ANKRD13C: variants seen among roughly 807,000 people sequenced by gnomAD.
ANKRD13C encodes the protein ankyrin repeat domain 13C, also known as ankyrin repeat domain-containing protein 13C.
In ANKRD13C, 16 loss-of-function variants were observed where a neutral mutation model predicts 65.5. The ratio of observed to expected loss-of-function variants is 0.24; its 90% CI spans 0.17 to 0.37. The LOEUF (loss-of-function observed/expected upper bound fraction) is 0.37. ANKRD13C is among the 10% of genes least tolerant of loss of function. ANKRD13C has a pLI of 1.00. For synonymous variants in ANKRD13C, 235 were observed against 238.7 expected (o/e 0.98, Z 0.14); for missense variants, 503 against 655.9 (o/e 0.77, Z 2.55).
chr1:70,276,192 C>A (rs1679128369), intron 10 of ANKRD13C, among the ~76,000 whole-genome samples: 1 of 151,946 alleles, frequency 6.6e-6, no homozygotes, highest in African/African-American at 2.4e-5. Context: ...TTTATTCATT[C>A]ATCATTCTTT....
chr1:70,322,039 G>T (rs1165681566), intron 3 of ANKRD13C, among the ~76,000 whole-genome samples: 1 of 152,118 alleles, frequency 6.6e-6, no homozygotes, highest in Non-Finnish European at 1.5e-5. Context: ...ACATAGCCGG[G>T]CATGGTGGCT....
intron 2 of ANKRD13C, among the ~76,000 whole-genome samples, chr1:70,330,592 A>G (rs1377472647): frequency 2.0e-5 from 3 of 150,960 alleles, no homozygotes; most frequent in African/African-American, 4.8e-5. Flanking sequence ...AAAAAAAAAA[A>G]AAAGAAATCA....
intron 1 of ANKRD13C, among the ~76,000 whole-genome samples, chr1:70,340,702 T>C (rs1682270037): frequency 6.6e-6 from 1 of 152,252 alleles, no homozygotes; most frequent in Admixed American, 6.5e-5. Flanking sequence ...GCTCGATATA[T>C]TTTGAAGCCA....
chr1:70,315,690 T>C, intron 3 of ANKRD13C, 124 bp from the exon 4 acceptor site: 1 of 632,924 alleles, frequency 1.6e-6, no homozygotes, highest in South Asian at 2.7e-5. Context: ...TGTATGTGTG[T>C]ATGTGTATGT....
At chr1:70,276,157 C>T (rs1326279615) in intron 10 of ANKRD13C, among the ~76,000 whole-genome samples, 1 of 151,982 alleles carries the variant, frequency 6.6e-6, no homozygotes, top group African/African-American at 2.4e-5. Flanking sequence ...TTTTACTTAT[C>T]TATTTATTAA....
At chr1:70,345,597 G>A (rs1682493445) in intron 1 of ANKRD13C, among the ~76,000 whole-genome samples, 1 of 152,054 alleles carries the variant, frequency 6.6e-6, no homozygotes, top group Non-Finnish European at 1.5e-5. Context: ...GGTTGACCAG[G>A]TTATGGAAAT....
intron 2 of ANKRD13C, among the ~76,000 whole-genome samples, chr1:70,334,852 G>C (rs1001471948): frequency 6.6e-6 from 1 of 151,992 alleles, no homozygotes; most frequent in Admixed American, 6.6e-5. Flanking sequence ...ATTGTGGTGA[G>C]CCAAGATTGC....
intron 5 of ANKRD13C, among the ~76,000 whole-genome samples, chr1:70,312,594 C>A (rs1477270473): frequency 1.3e-5 from 2 of 151,016 alleles, no homozygotes; most frequent in Non-Finnish European, 2.9e-5. Flanking sequence ...ACTTTGAATT[C>A]TTTGCCCAAA....
intron 12 of ANKRD13C, among the ~76,000 whole-genome samples, chr1:70,264,648 T>C (rs1216779500): frequency 3.9e-5 from 6 of 152,224 alleles, no homozygotes; most frequent in South Asian, 2.1e-4. Context: ...GCCTAAGATA[T>C]TTATTATCTT....
At chr1:70,294,997 T>C (rs1001659545) in intron 8 of ANKRD13C, among the ~76,000 whole-genome samples, 3 of 152,046 alleles carry the variant, frequency 2.0e-5, no homozygotes, top group Admixed American at 2.0e-4. Flanking sequence ...CTCTCCCCCT[T>C]ACTCTTTTTT....
At chr1:70,311,755 C>T (rs1440850909) in intron 5 of ANKRD13C, among the ~76,000 whole-genome samples, 1 of 152,092 alleles carries the variant, frequency 6.6e-6, no homozygotes, top group Admixed American at 6.5e-5. Context: ...TCTTAGTAAA[C>T]TGAGGATAAT....
At position 70,276,926 on chromosome 1, in the gene ANKRD13C, G is replaced by A. The variant is rs958143909; in HGVS notation, c.1216-82C>T. On this transcript the variant is annotated intron_variant, in intron 9 of 12. Coordinates refer to ENST00000370944, the MANE Select transcript of ANKRD13C (RefSeq NM_030816.5). The stretch of plus-strand genomic sequence containing the variant: ...TTTAAATATAAGATTAAAATACATC[G>A]TAAACTATTAAAACTAACAATCTAC... 119 of 1,094,390 alleles carry A rather than the reference G, an allele frequency of 1.1e-4. No individual in the cohort carries two copies. The Admixed American group carries it at 2.4e-3, about 23-fold the overall frequency. 67.8% of individuals were successfully genotyped at this position (1,094,390 alleles called of 1,614,324 possible).
In ANKRD13C at chr1:70,320,850, C is replaced by T. The variant is rs553045152; in HGVS notation, c.577+4003G>A. The stretch of plus-strand genomic sequence containing the variant: ...TGTCACCCAGGTTGGAGTGCAGTGG[C>T]GTGATCTCAGCTCACTGCTACCTCC... On this transcript the variant is annotated intron_variant, in intron 3 of 12. Transcript: ENST00000370944. Among the ~76,000 whole-genome samples the T allele has an allele frequency of 1.7e-3, 261 of 151,608 alleles. 1 individual carries two copies. Among genetic ancestry groups the T allele is most frequent in the African/African-American group, 5.7e-3 (237 of 41,344 alleles).
intron 2 of ANKRD13C, among the ~76,000 whole-genome samples, chr1:70,334,259 G>A (rs371169302): frequency 6.6e-6 from 1 of 151,804 alleles, no homozygotes; most frequent in African/African-American, 2.4e-5. Flanking sequence ...CCAGGAGTTT[G>A]AAGCCGCAGT....
intron 9 of ANKRD13C, among the ~76,000 whole-genome samples, chr1:70,283,402 T>TTTATATATGCTTTATATTTATATATAA (rs1679481631): frequency 6.6e-6 from 1 of 152,228 alleles, no homozygotes; most frequent in Non-Finnish European, 1.5e-5. Context: ...TTGAAGCATA[T>TTTATATATGCTTTATATTTATATATAA]AGGAAATACT....
chr1:70,285,186 T>C (rs1454778327), intron 9 of ANKRD13C, among the ~76,000 whole-genome samples: 3 of 146,108 alleles, frequency 2.1e-5, no homozygotes, highest in African/African-American at 8.0e-5. Flanking sequence ...ATTTATAATG[T>C]CTTTTTTTTT....
chr1:70,301,480 T>C (rs974061976), intron 6 of ANKRD13C, among the ~76,000 whole-genome samples: 2 of 152,252 alleles, frequency 1.3e-5, no homozygotes, highest in Non-Finnish European at 2.9e-5. Flanking sequence ...TCTTCTGATA[T>C]ACACCCGTAA....
chr1:70,318,690 T>A, intron 3 of ANKRD13C, among the ~76,000 whole-genome samples: 1 of 146,758 alleles, frequency 6.8e-6, no homozygotes, highest in South Asian at 2.2e-4. Flanking sequence ...TTTTTTTTTT[T>A]TTTTTTTTTT....
intron 8 of ANKRD13C, 64 bp downstream of exon 8, chr1:70,296,066 G>A (rs1035068528): frequency 1.3e-5 from 20 of 1,547,940 alleles, no homozygotes; most frequent in Admixed American, 1.2e-4. Flanking sequence ...TTTCCATCAC[G>A]TTATTTTGGA....
Sources: allele counts gnomAD v4.1 joint callset (sites outside exome capture counted in the v4.1 genomes callset), GRCh38; gene constraint gnomAD v4.1.1; transcripts MANE v1.5; gene names NCBI Gene and HGNC (gene_info 2026-07-23, HGNC 2026-07-21).